Variants in NEURL1B observed in about 807,000 individuals in gnomAD.
The protein encoded by NEURL1B is E3 ubiquitin-protein ligase NEURL1B.
Under a neutral mutation model 37.4 loss-of-function variants are expected in NEURL1B, and 13 were observed. The ratio of observed to expected loss-of-function variants is 0.35; its 90% CI spans 0.23 to 0.55. NEURL1B has a LOEUF of 0.55. Among genes scored for constraint, NEURL1B ranks in the 20% least tolerant of loss-of-function variants. NEURL1B has a pLI of 0.89. For synonymous variants in NEURL1B, 432 were observed against 426.6 expected (o/e 1.01, Z -0.16); for missense variants, 790 against 879.2 (o/e 0.90, Z 1.28).
Position 172,641,408 on chromosome 5 carries a change from TG to T in NEURL1B, c.5del (p.Gly2?). ...GCCAACGCCGCGCCCGACGCAGCGA[TG>T]GGCAACACGGTGCACCGGACCCTGC... [M>X]GNTVHRTLPD... is the part of the protein sequence containing the mutation. On this transcript the variant is annotated frameshift_variant and start_lost, in exon 1 of 5. Coordinates refer to ENST00000369800, the MANE Select transcript of NEURL1B (RefSeq NM_001142651.3). LOFTEE classifies it high-confidence loss of function. The surrounding 1 kb of genome is among the most constrained non-coding windows in gnomAD (Gnocchi z 6.4). 1 of 1,365,270 alleles carries T rather than the reference TG, an allele frequency of 7.3e-7. No individual in the cohort carries two copies. Among genetic ancestry groups the T allele is most frequent in the Non-Finnish European group, 9.4e-7 (1 of 1,063,030 alleles). 84.6% of individuals were successfully genotyped at this position (1,365,270 alleles called of 1,614,324 possible).
At chr5:172,642,297 CCAAGGTCACACAGCTAGTAGTGGGAGA>C (rs1446945915) in intron 1 of NEURL1B, among the ~76,000 whole-genome samples, 1 of 152,156 alleles carries the variant, frequency 6.6e-6, no homozygotes, top group African/African-American at 2.4e-5. Flanking sequence ...AATGACTCAC[CCAAGGTCACACAGCTAGTAGTGGGAGA>C]ATCTGGAGTG....
intron 1 of NEURL1B, among the ~76,000 whole-genome samples, chr5:172,663,960 T>C (rs1757957875): frequency 6.6e-6 from 1 of 151,712 alleles, no homozygotes; most frequent in Non-Finnish European, 1.5e-5. Context: ...CTGTAGTGAC[T>C]GCCAGGAGGC....
Position 172,675,933 on chromosome 5 carries a change from G to A in NEURL1B, c.577+5603G>A, listed in dbSNP as rs957472891. 2.0e-5 allele frequency among the ~76,000 whole-genome samples: 3 copies of A among 152,056 alleles called. No individual in the cohort carries two copies. The highest frequency in any genetic ancestry group is 2.4e-5 in the African/African-American group (1 of 41,406). On this transcript the variant is annotated intron_variant, in intron 2 of 4. Transcript: ENST00000369800. The surrounding 1 kb of genome is among the most constrained non-coding windows in gnomAD (Gnocchi z 4.7). Reference sequence around the variant, plus strand: ...ATGGAAGCCCTTTCTGGAGGTCCTCGAGTTCAGGCCAGGCCCTGTGCTTTT... The same window carrying A: ...ATGGAAGCCCTTTCTGGAGGTCCTCAAGTTCAGGCCAGGCCCTGTGCTTTT...
intron 1 of NEURL1B, among the ~76,000 whole-genome samples, chr5:172,667,594 A>G (rs1758040326): frequency 1.3e-5 from 2 of 152,138 alleles, no homozygotes; most frequent in Non-Finnish European, 1.5e-5. Context: ...TACCTTCAAG[A>G]CATATCCAGA....
In NEURL1B at chr5:172,665,788, C is replaced by T. The variant is rs975386800; in HGVS notation, c.32-3997C>T. Among the ~76,000 whole-genome samples the T allele has an allele frequency of 6.6e-6, 1 of 151,928 alleles. No individual in the cohort carries two copies. Among genetic ancestry groups the T allele is most frequent in the Non-Finnish European group, 1.5e-5 (1 of 67,976 alleles). The stretch of plus-strand genomic sequence containing the variant: ...CTGGCTCAGTGGGCATCCCACTATT[C>T]CCAGCCCCTAACTGAGTCCAGGGCC... On this transcript the variant is annotated intron_variant, in intron 1 of 4. Coordinates refer to ENST00000369800, the MANE Select transcript of NEURL1B (RefSeq NM_001142651.3). This position sits in a 1 kb window ranked among gnomAD's most constrained non-coding sequence, Gnocchi z 4.1.
rs1757904160 is a variant in NEURL1B at position 172,661,637 on chromosome 5, C to G, written c.32-8148C>G. Among the ~76,000 whole-genome samples the G allele has an allele frequency of 6.6e-6, 1 of 152,248 alleles. No homozygotes were observed. Among genetic ancestry groups the G allele is most frequent in the Non-Finnish European group, 1.5e-5 (1 of 68,050 alleles). ...TAATCCTCATGTTCAAAGGAAGAGG[C>G]AGAATAGACGATTCTCCCATTTGGC... On this transcript the variant is annotated intron_variant, in intron 1 of 4. Transcript: ENST00000369800. This position sits in a 1 kb window ranked among gnomAD's most constrained non-coding sequence, Gnocchi z 4.0.
At chr5:172,654,089 A>C (rs1757718970) in intron 1 of NEURL1B, among the ~76,000 whole-genome samples, 1 of 152,240 alleles carries the variant, frequency 6.6e-6, no homozygotes, top group Non-Finnish European at 1.5e-5. Flanking sequence ...ATTAGAAGTT[A>C]GGATAATACA....
intron 1 of NEURL1B, among the ~76,000 whole-genome samples, chr5:172,655,637 C>T (rs982922723): frequency 5.9e-5 from 9 of 152,144 alleles, no homozygotes; most frequent in African/African-American, 1.9e-4. Flanking sequence ...AGTATTTTAC[C>T]GGCTTCCACG....
At chr5:172,682,570 C>CT (rs1237923221) in intron 2 of NEURL1B, among the ~76,000 whole-genome samples, 2 of 151,948 alleles carry the variant, frequency 1.3e-5, no homozygotes, top group Non-Finnish European at 2.9e-5. Context: ...GAGCGGAACT[C>CT]TATCTCAAAA....
rs1757589862 is a variant in NEURL1B at position 172,647,926 on chromosome 5, A to C, written c.31+6489A>C. On this transcript the variant is annotated intron_variant, in intron 1 of 4. Coordinates refer to ENST00000369800, the MANE Select transcript of NEURL1B (RefSeq NM_001142651.3). The surrounding 1 kb of genome is among the most constrained non-coding windows in gnomAD (Gnocchi z 4.2). ...TGGCAAGCATCACAGTGCTCCCAAT[A>C]CCTTCCCTGGGCCCAGGGTCCTCAC... 6.6e-6 allele frequency among the ~76,000 whole-genome samples: 1 copy of C among 151,752 alleles called. No individual in the cohort carries two copies.
intron 3 of NEURL1B, among the ~76,000 whole-genome samples, chr5:172,684,835 G>A (rs1412586457): frequency 6.6e-6 from 1 of 152,152 alleles, no homozygotes; most frequent in Non-Finnish European, 1.5e-5. Flanking sequence ...TGCTACAGCC[G>A]GGGGCTCCTC....
intron 1 of NEURL1B, among the ~76,000 whole-genome samples, chr5:172,642,711 A>C (rs1448788311): frequency 6.6e-6 from 1 of 152,198 alleles, no homozygotes; most frequent in Admixed American, 6.5e-5. Flanking sequence ...GAGCAACTGC[A>C]CTCAAACGTT....
chr5:172,643,939 T>G (rs1009746842), intron 1 of NEURL1B, among the ~76,000 whole-genome samples: 2 of 151,708 alleles, frequency 1.3e-5, no homozygotes, highest in African/African-American at 4.8e-5. Context: ...TCTGCCCTCC[T>G]CCCCATGGCT....
chr5:172,641,583 GC>G lies in NEURL1B; in HGVS notation c.31+147del. The G allele has an allele frequency of 1.5e-6, 1 of 670,532 alleles. No homozygotes were observed. The highest frequency in any genetic ancestry group is 7.5e-5 in the South Asian group (1 of 13,384). 41.5% of individuals were successfully genotyped at this position (670,532 alleles called of 1,614,324 possible). A position where few individuals can be genotyped will look rare whatever the true frequency, so the allele number is the denominator to read the frequency against. On this transcript the variant is annotated intron_variant, in intron 1 of 4. Transcript: ENST00000369800. The surrounding 1 kb of genome is among the most constrained non-coding windows in gnomAD (Gnocchi z 6.4). ...AGTCTCCGGTACCTCCCGGACCTCA[GC>G]TCGGCGCGCGCCCCGCGGCTGGGCT...
In NEURL1B at chr5:172,683,952, G is replaced by C. The variant is rs1286654965; in HGVS notation, c.1111G>C (p.Val371Leu). The part of the protein sequence containing the change: ...ALLDRKEYWV[V>L]ARAGPVPSGG... ...GCTCGACCGCAAAGAGTACTGGGTG[G>C]TGGCGCGCGCCGGGCCCGTGCCGAG... Residue 371 changes from valine to leucine, a missense_variant, in exon 3 of 5, where the codon GTG becomes CTG. By Grantham distance (32) the Val-to-Leu change is conservative (BLOSUM62 1). Transcript: ENST00000369800. This position sits in a 1 kb window ranked among gnomAD's most constrained non-coding sequence, Gnocchi z 5.6. The C allele has an allele frequency of 1.5e-6, 2 of 1,355,502 alleles. No homozygotes were observed. The highest frequency in any genetic ancestry group is 3.2e-5 in the Admixed American group (1 of 31,542). The allele number at this position is 1,355,502 out of a possible 1,614,324, so 84.0% of individuals were successfully genotyped here. A position where few individuals can be genotyped will look rare whatever the true frequency, so the allele number is the denominator to read the frequency against.
rs1256211275 is a variant in NEURL1B at position 172,641,444 on chromosome 5, CG to C, written c.31+11del. ...GTGCACCGGACCCTGCCAGGTACGC[CG>C]GGGAGCCCTGCCCGGGAGGCGGGCG... On this transcript the variant is annotated splice_region_variant and intron_variant, in intron 1 of 4. Transcript: ENST00000369800. The surrounding 1 kb of genome is among the most constrained non-coding windows in gnomAD (Gnocchi z 6.4). 2.3e-6 allele frequency: 3 copies of C among 1,321,976 alleles called. No homozygotes were observed. Among genetic ancestry groups the C allele is most frequent in the South Asian group, 1.9e-5 (1 of 51,308 alleles). 81.9% of individuals were successfully genotyped at this position (1,321,976 alleles called of 1,614,324 possible). A position where few individuals can be genotyped will look rare whatever the true frequency, so the allele number is the denominator to read the frequency against.
chr5:172,662,749 G>C (rs1283048419), intron 1 of NEURL1B, among the ~76,000 whole-genome samples: 1 of 152,130 alleles, frequency 6.6e-6, no homozygotes, highest in Non-Finnish European at 1.5e-5. Context: ...AGAAAGACTT[G>C]CCAAGGCTGG....
rs1043936851 is a variant in NEURL1B, at chr5:172,657,919, A to G, written c.32-11866A>G. ...GTAGATAGTGGTAGAAGGAATAGGG[A>G]AAATCTTAAAGTGTTTGATCTTTCT... On this transcript the variant is annotated intron_variant, in intron 1 of 4. Transcript: ENST00000369800. The surrounding 1 kb of genome is among the most constrained non-coding windows in gnomAD (Gnocchi z 4.0). Among the ~76,000 whole-genome samples, 1 of 152,170 alleles carries G rather than the reference A, an allele frequency of 6.6e-6. No individual in the cohort carries two copies. Among genetic ancestry groups the G allele is most frequent in the Non-Finnish European group, 1.5e-5 (1 of 68,018 alleles).
chr5:172,669,858 G>A lies in NEURL1B; in HGVS notation c.105G>A (p.Leu35=). Residue 35 remains leucine, a synonymous_variant, in exon 2 of 5, where the codon CTG becomes CTA. Coordinates refer to ENST00000369800, the MANE Select transcript of NEURL1B (RefSeq NM_001142651.3). ...CCGGCCCCGAGCGACGCCCGGTCCT[G>A]GGCGAGGCGCCGCGCTTCCACGCGC... ...CGPGPERRPV[L]GEAPRFHAQA... 1 of 1,391,264 alleles carries A rather than the reference G, an allele frequency of 7.2e-7. No homozygotes were observed. The highest frequency in any genetic ancestry group is 9.3e-7 in the Non-Finnish European group (1 of 1,071,794). 86.2% of individuals were successfully genotyped at this position (1,391,264 alleles called of 1,614,324 possible). A position where few individuals can be genotyped will look rare whatever the true frequency, so the allele number is the denominator to read the frequency against.
Sources: allele counts gnomAD v4.1 joint callset (sites outside exome capture counted in the v4.1 genomes callset), GRCh38; gene constraint gnomAD v4.1.1; non-coding constraint Gnocchi (gnomAD v3.1); transcripts MANE v1.5; gene names NCBI Gene and HGNC (gene_info 2026-07-23, HGNC 2026-07-21).